ZNF189: variants seen among roughly 807,000 people sequenced by gnomAD.
The protein encoded by ZNF189 is zinc finger protein 189.
Under a neutral mutation model 53.5 loss-of-function variants are expected in ZNF189, and 33 were observed. The observed-to-expected ratio is 0.62, with a 90% CI of 0.47 to 0.82. ZNF189 has a LOEUF of 0.82. Among genes scored for constraint, ZNF189 ranks in the 40% least tolerant of loss-of-function variants. The pLI, the probability that ZNF189 is intolerant of heterozygous loss-of-function variation, is 0.00. For synonymous variants in ZNF189, 247 were observed against 238.8 expected (o/e 1.03, Z -0.32); for missense variants, 711 against 753.9 (o/e 0.94, Z 0.67).
Position 101,399,172 on chromosome 9 carries a change from C to A in ZNF189, c.16C>A (p.Pro6Thr). Residue 6 changes from proline to threonine, a missense_variant, in exon 1 of 3, where the codon CCC (proline) becomes ACC (threonine). By Grantham distance (38) the Pro-to-Thr change is conservative (BLOSUM62 -1). Coordinates refer to ENST00000339664, the MANE Select transcript of ZNF189 (RefSeq NM_003452.4). MASPSPPPESKGLLTF... is the reference protein window; with the variant it reads MASPSTPPESKGLLTF... ...TGCCTGGGAGATGGCTTCCCCGAGC[C>A]CCCCGCCGGAGTCGAAGGTAAGTAA... 1 of 1,593,932 alleles carries A rather than the reference C, an allele frequency of 6.3e-7. No individual in the cohort carries two copies. The highest frequency in any genetic ancestry group is 8.6e-7 in the Non-Finnish European group (1 of 1,163,442).
In ZNF189 at chr9:101,408,299, G is replaced by A. The variant is rs768555087; in HGVS notation, c.531G>A (p.Gln177=). The A allele has an allele frequency of 1.2e-6, 2 of 1,613,932 alleles. No homozygotes were observed. The highest frequency in any genetic ancestry group is 1.7e-6 in the Non-Finnish European group (2 of 1,180,018). Residue 177 remains glutamine, a synonymous_variant, in exon 3 of 3, where the codon CAG becomes CAA. Coordinates refer to ENST00000339664, the MANE Select transcript of ZNF189 (RefSeq NM_003452.4). ...TCCATACTGGTGAGAAACCTTTTCA[G>A]TGCAATGAATGTGGGAAAAGTTTTA... ...QRVHTGEKPF[Q]CNECGKSFSR...
In ZNF189 at chr9:101,409,108, A is replaced by G. The variant is rs1286402046; in HGVS notation, c.1340A>G (p.Gln447Arg). The change falls in exon 3 of 3, where the codon CAG becomes CGG. Residue 447 changes from glutamine to arginine, a missense_variant. Coordinates refer to ENST00000339664, the MANE Select transcript of ZNF189 (RefSeq NM_003452.4). ...CCAAATTGCAGTCTTGTTATACAGC[A>G]GGAAGTCTACCCTAAGGAGAAATCT... The part of the protein sequence containing the change: ...FDPNCSLVIQ[Q>R]EVYPKEKSYK... 3.1e-6 allele frequency: 5 copies of G among 1,613,854 alleles called. No individual in the cohort carries two copies. In the African/African-American group the frequency reaches 6.7e-5, roughly 22 times the overall value.
In ZNF189 at chr9:101,409,280, A is replaced by G. The variant is rs1163533328; in HGVS notation, c.1512A>G (p.Arg504=). Residue 504 remains arginine, a synonymous_variant, in exon 3 of 3, where the codon AGA becomes AGG. Transcript: ENST00000339664. ...SRSSFLIEHQ[R]IHTGERPYLC... ...GCTCATTTCTTATTGAACATCAGAG[A>G]ATCCACACTGGTGAGAGACCCTATC... 4 of 1,614,044 alleles carry G rather than the reference A, an allele frequency of 2.5e-6. No homozygotes were observed. The highest frequency in any genetic ancestry group is 3.4e-6 in the Non-Finnish European group (4 of 1,180,028).
chr9:101,409,039 G>A lies in ZNF189; in HGVS notation c.1271G>A (p.Arg424Lys). 1 of 1,614,066 alleles carries A rather than the reference G, an allele frequency of 6.2e-7. No individual in the cohort carries two copies. Among genetic ancestry groups the A allele is most frequent in the Non-Finnish European group, 8.5e-7 (1 of 1,180,006 alleles). The change falls in exon 3 of 3, where the codon AGG becomes AAG. Residue 424 changes from arginine to lysine, a missense_variant. Coordinates refer to ENST00000339664, the MANE Select transcript of ZNF189 (RefSeq NM_003452.4). ...GLIQHQRIHTREKTYPYNETK... is the reference protein window; with the variant it reads ...GLIQHQRIHTKEKTYPYNETK... ...ATTCAGCATCAGAGAATTCACACCA[G>A]GGAGAAGACTTATCCATACAATGAA...
At chr9:101,406,358 A>G (rs553051169) in intron 2 of ZNF189, among the ~76,000 whole-genome samples, 10 of 152,322 alleles carry the variant, frequency 6.6e-5, no homozygotes, top group African/African-American at 2.4e-4. Context: ...AGACGGGATA[A>G]TTAAGCAAAT....
At chr9:101,404,602 CT>C (rs1170329743) in intron 2 of ZNF189, among the ~76,000 whole-genome samples, 1 of 152,036 alleles carries the variant, frequency 6.6e-6, no homozygotes, top group Non-Finnish European at 1.5e-5. Context: ...TATTTACTAA[CT>C]TTTTTTGTAC....
chr9:101,409,357 A>G lies in ZNF189; in HGVS notation c.1589A>G (p.His530Arg). 2 of 1,614,206 alleles carry G rather than the reference A, an allele frequency of 1.2e-6. No homozygotes were observed. Among genetic ancestry groups the G allele is most frequent in the Middle Eastern group, 1.6e-4 (1 of 6,062 alleles). ...SFSQLCNLIR[H>R]QGVHTGNKPH... ...AGTCAGCTTTGTAATCTTATTCGAC[A>G]TCAGGGTGTTCACACAGGTAATAAA... The change falls in exon 3 of 3, where the codon CAT becomes CGT. Residue 530 changes from histidine to arginine, a missense_variant. Physicochemically the swap from His to Arg is conservative, Grantham distance 29. Transcript: ENST00000339664.
At chr9:101,402,205 C>T (rs2777337) in intron 2 of ZNF189, among the ~76,000 whole-genome samples, 64,751 of 152,032 alleles carry the variant, frequency 0.43, 13,966 homozygotes, top group South Asian at 0.56. Flanking sequence ...CGTGAGCCAC[C>T]GTGCGTGGCC....
At chr9:101,407,384 AT>A (rs1290486678) in intron 2 of ZNF189, 2 of 397,038 alleles carry the variant, frequency 5.0e-6, no homozygotes, top group East Asian at 7.1e-5. Context: ...ATCTTTTTTT[AT>A]TTTTATTTTT....
At chr9:101,405,612 G>A (rs1391552757) in intron 2 of ZNF189, among the ~76,000 whole-genome samples, 1 of 152,022 alleles carries the variant, frequency 6.6e-6, no homozygotes, top group Non-Finnish European at 1.5e-5. Flanking sequence ...AATAACAAAA[G>A]TCAGTTGACA....
At chr9:101,405,767 CAT>C (rs1263233181) in intron 2 of ZNF189, among the ~76,000 whole-genome samples, 1 of 152,046 alleles carries the variant, frequency 6.6e-6, no homozygotes. Context: ...TGCTGAATAA[CAT>C]AAGGACTGAA....
At chr9:101,399,826 A>G in intron 1 of ZNF189, 58 bp from the exon 2 acceptor site, 5 of 1,609,098 alleles carry the variant, frequency 3.1e-6, no homozygotes, top group Non-Finnish European at 4.2e-6. Flanking sequence ...TGTCACTTTT[A>G]GTGGTAGAAT....
At chr9:101,399,659 C>G in intron 1 of ZNF189, 1 of 1,248,814 alleles carries the variant, frequency 8.0e-7, no homozygotes, top group Non-Finnish European at 1.1e-6. Context: ...TAAAATTAAA[C>G]TCTCAGGGCA....
Position 101,409,058 on chromosome 9 carries a change from C to T in ZNF189, c.1290C>T (p.Tyr430=). 2 of 1,613,888 alleles carry T rather than the reference C, an allele frequency of 1.2e-6. No individual in the cohort carries two copies. The highest frequency in any genetic ancestry group is 1.1e-5 in the South Asian group (1 of 91,056). ...RIHTREKTYP[Y]NETKESFDPN... is the part of the protein sequence containing the mutation. ...ACACCAGGGAGAAGACTTATCCATA[C>T]AATGAAACTAAGGAAAGTTTTGATC... The change falls in exon 3 of 3, where the codon TAC becomes TAT. Residue 430 remains tyrosine, a synonymous_variant. Transcript: ENST00000339664.
chr9:101,399,865 A>G lies in ZNF189; in HGVS notation c.34-19A>G. The G allele has an allele frequency of 1.9e-6, 3 of 1,613,976 alleles. No homozygotes were observed. The highest frequency in any genetic ancestry group is 1.3e-5 in the African/African-American group (1 of 75,044). On this transcript the variant is annotated intron_variant, in intron 1 of 2. Coordinates refer to ENST00000339664, the MANE Select transcript of ZNF189 (RefSeq NM_003452.4). The stretch of plus-strand genomic sequence containing the variant: ...CCTTGAGACAACAGGAACTGACTAC[A>G]GAAATCATACTATTTCAGGGGTTGC...
chr9:101,409,098 G>C lies in ZNF189; in HGVS notation c.1330G>C (p.Val444Leu). 1 of 1,613,858 alleles carries C rather than the reference G, an allele frequency of 6.2e-7. No homozygotes were observed. The highest frequency in any genetic ancestry group is 1.3e-5 in the African/African-American group (1 of 74,994). ...KESFDPNCSL[V>L]IQQEVYPKEK... ...AAGTTTTGATCCAAATTGCAGTCTT[G>C]TTATACAGCAGGAAGTCTACCCTAA... Residue 444 changes from valine to leucine, a missense_variant, in exon 3 of 3, where the codon GTT becomes CTT. By Grantham distance (32) the Val-to-Leu change is conservative. Coordinates refer to ENST00000339664, the MANE Select transcript of ZNF189 (RefSeq NM_003452.4).
rs775202445 is a variant in ZNF189 at position 101,409,276 on chromosome 9, A to G, written c.1508A>G (p.Gln503Arg). The change falls in exon 3 of 3, where the codon CAG (glutamine) becomes CGG (arginine). Residue 503 changes from glutamine to arginine, a missense_variant. By Grantham distance (43) the Gln-to-Arg change is conservative. Coordinates refer to ENST00000339664, the MANE Select transcript of ZNF189 (RefSeq NM_003452.4). ...CGGAGCTCATTTCTTATTGAACATC[A>G]GAGAATCCACACTGGTGAGAGACCC... is the stretch of plus-strand genomic sequence containing the variant. Reference protein sequence around the residue: ...FSRSSFLIEHQRIHTGERPYL... With the variant: ...FSRSSFLIEHRRIHTGERPYL... 3.7e-6 allele frequency: 6 copies of G among 1,613,482 alleles called. No homozygotes were observed. Among genetic ancestry groups the G allele is most frequent in the South Asian group, 3.3e-5 (3 of 91,034 alleles).
chr9:101,403,562 T>C (rs1455057365), intron 2 of ZNF189, among the ~76,000 whole-genome samples: 1 of 152,256 alleles, frequency 6.6e-6, no homozygotes, highest in Non-Finnish European at 1.5e-5. Context: ...AAAAAAACTT[T>C]AATAGCTACA....
At chr9:101,399,799 CAATAAGTG>C (rs1830464269) in intron 1 of ZNF189, 77 bp from the exon 2 acceptor site, 3 of 1,596,370 alleles carry the variant, frequency 1.9e-6, no homozygotes, top group Middle Eastern at 1.7e-4. Context: ...TACTTGGCCA[CAATAAGTG>C]ATTGCCTCTG....
Sources: allele counts gnomAD v4.1 joint callset (sites outside exome capture counted in the v4.1 genomes callset), GRCh38; gene constraint gnomAD v4.1.1; transcripts MANE v1.5; gene names NCBI Gene and HGNC (gene_info 2026-07-23, HGNC 2026-07-21).